PPP1R14C: variants seen among roughly 807,000 people sequenced by gnomAD.
PPP1R14C encodes the protein protein phosphatase 1 regulatory inhibitor subunit 14C, also known as protein phosphatase 1 regulatory subunit 14C.
In PPP1R14C, 16 loss-of-function variants were observed where a neutral mutation model predicts 20.4. That is an observed-to-expected ratio of 0.78 (90% CI 0.53 to 1.19). PPP1R14C has a LOEUF of 1.19. PPP1R14C is among the 50% of genes most tolerant of loss of function. PPP1R14C has a pLI of 0.00. For synonymous variants in PPP1R14C, 91 were observed against 91.0 expected (o/e 1.00, Z 0.00); for missense variants, 211 against 220.1 (o/e 0.96, Z 0.26).
chr6:150,146,130 T>C (rs916210743), intron 1 of PPP1R14C, among the ~76,000 whole-genome samples: 5 of 152,324 alleles, frequency 3.3e-5, no homozygotes, highest in Admixed American at 1.3e-4. Flanking sequence ...CTAGGTACTT[T>C]GGGCTAATTC....
At chr6:150,209,566 C>A (rs1283076411) in intron 1 of PPP1R14C, among the ~76,000 whole-genome samples, 1 of 130,914 alleles carries the variant, frequency 7.6e-6, no homozygotes, top group Admixed American at 7.7e-5. Context: ...GTGTATTCAT[C>A]TGTGTGTATG....
At chr6:150,186,331 G>T (rs1232703514) in intron 1 of PPP1R14C, among the ~76,000 whole-genome samples, 1 of 152,164 alleles carries the variant, frequency 6.6e-6, no homozygotes, top group Non-Finnish European at 1.5e-5. Flanking sequence ...GGTCTGAAGA[G>T]CAAATGCCCT....
At chr6:150,205,757 A>C (rs1157704535) in intron 1 of PPP1R14C, among the ~76,000 whole-genome samples, 1 of 150,620 alleles carries the variant, frequency 6.6e-6, no homozygotes, top group Non-Finnish European at 1.5e-5. Context: ...GCACCACTAC[A>C]CTCCATCCTG....
chr6:150,154,614 C>A (rs988025814), intron 1 of PPP1R14C, among the ~76,000 whole-genome samples: 21 of 152,168 alleles, frequency 1.4e-4, no homozygotes, highest in Admixed American at 4.6e-4. Context: ...ATAGAAGTGT[C>A]TTCCCCTTCA....
rs77687805 is a variant in PPP1R14C at position 150,241,576 on chromosome 6, G to A, written c.424-7170G>A. Among the ~76,000 whole-genome samples, 451 of 152,168 alleles carry A rather than the reference G, an allele frequency of 3.0e-3. 1 individual carries two copies. The highest frequency in any genetic ancestry group is 5.2e-3 in the South Asian group (25 of 4,820). On this transcript the variant is annotated intron_variant, in intron 3 of 3. Transcript: ENST00000361131. ...TTAACCCGTAGCATCTAACTCTAAC[G>A]CCAGCTCCAGGTAAATAGTGTCAGA...
intron 1 of PPP1R14C, among the ~76,000 whole-genome samples, chr6:150,190,434 CTT>C (rs147541303): frequency 6.4e-5 from 9 of 140,056 alleles, no homozygotes; most frequent in Admixed American, 7.3e-5. Context: ...TGTATTTTGC[CTT>C]TTTTTTTTTT....
intron 3 of PPP1R14C, among the ~76,000 whole-genome samples, chr6:150,231,133 A>G (rs1013654743): frequency 6.6e-6 from 1 of 152,210 alleles, no homozygotes; most frequent in African/African-American, 2.4e-5. Flanking sequence ...TGACAGAGCC[A>G]TGTGGTAGAA....
At chr6:150,232,050 C>T (rs955674775) in intron 3 of PPP1R14C, among the ~76,000 whole-genome samples, 1 of 152,240 alleles carries the variant, frequency 6.6e-6, no homozygotes, top group African/African-American at 2.4e-5. Context: ...TGCCCACCAA[C>T]AGGATATAAG....
intron 1 of PPP1R14C, among the ~76,000 whole-genome samples, chr6:150,177,421 G>C (rs1032907187): frequency 9.9e-5 from 15 of 152,264 alleles, no homozygotes; most frequent in African/African-American, 3.6e-4. Flanking sequence ...ATTCTTGCTG[G>C]TGTGACCAAA....
At chr6:150,234,172 C>T (rs771687020) in intron 3 of PPP1R14C, among the ~76,000 whole-genome samples, 3 of 152,106 alleles carry the variant, frequency 2.0e-5, no homozygotes, top group Non-Finnish European at 2.9e-5. Flanking sequence ...TGAAAAACTC[C>T]CCCCAAAATT....
Position 150,177,811 on chromosome 6 carries a change from C to T in PPP1R14C, c.306+34313C>T, listed in dbSNP as rs185184481. Among the ~76,000 whole-genome samples the T allele has an allele frequency of 7.2e-5, 11 of 152,214 alleles. No individual in the cohort carries two copies. In the East Asian group the frequency reaches 9.7e-4, roughly 13 times the overall value. On this transcript the variant is annotated intron_variant, in intron 1 of 3. Transcript: ENST00000361131. ...CTGGGCCGCTTTCTCTGAGCCAGTC[C>T]GGACTGCAGCAGAACCCCAGTGACT...
Position 150,235,421 on chromosome 6 carries a change from G to A in PPP1R14C, c.424-13325G>A, listed in dbSNP as rs140866799. ...AATGTGCTGCATCTTGATAGTCATG[G>A]TGGTTTCCTGGGTGTAACCAATTGT... On this transcript the variant is annotated intron_variant, in intron 3 of 3. Transcript: ENST00000361131. 3.9e-5 allele frequency among the ~76,000 whole-genome samples: 6 copies of A among 152,356 alleles called. 1 individual carries two copies. The East Asian group carries it at 1.2e-3, about 29-fold the overall frequency.
intron 3 of PPP1R14C, among the ~76,000 whole-genome samples, chr6:150,229,242 G>A (rs1778264550): frequency 6.6e-6 from 1 of 152,154 alleles, no homozygotes; most frequent in African/African-American, 2.4e-5. Context: ...GTTATTTGTA[G>A]CAAATAATAC....
At chr6:150,157,274 A>G (rs55854590) in intron 1 of PPP1R14C, among the ~76,000 whole-genome samples, 2,624 of 152,318 alleles carry the variant, frequency 0.017, 79 homozygotes, top group African/African-American at 0.06. Context: ...TGGTCTATAC[A>G]GGAGGGGTGG....
At chr6:150,245,094 C>G (rs560642537) in intron 3 of PPP1R14C, among the ~76,000 whole-genome samples, 2 of 152,160 alleles carry the variant, frequency 1.3e-5, no homozygotes, top group African/African-American at 4.8e-5. Context: ...GAACAGTGAC[C>G]TTAATTTTCT....
intron 2 of PPP1R14C, among the ~76,000 whole-genome samples, chr6:150,216,007 C>T (rs550630561): frequency 2.0e-5 from 3 of 152,202 alleles, no homozygotes; most frequent in East Asian, 3.9e-4. Context: ...GGGTTTGAAA[C>T]CATTTGGATC....
chr6:150,249,938 G>A lies in PPP1R14C; in HGVS notation c.*1118G>A. Reference sequence around the variant, plus strand: ...ATTGCATTTCTGGCTTCTCTCAATGGCTTGTGTTGAGGACTCTGGGTGCTC... The same window carrying A: ...ATTGCATTTCTGGCTTCTCTCAATGACTTGTGTTGAGGACTCTGGGTGCTC... On this transcript the variant is annotated 3_prime_UTR_variant, in exon 4 of 4. Coordinates refer to ENST00000361131, the MANE Select transcript of PPP1R14C (RefSeq NM_030949.3). 6.2e-6 allele frequency: 1 copy of A among 162,144 alleles called. No individual in the cohort carries two copies. 10.0% of individuals were successfully genotyped at this position (162,144 alleles called of 1,614,324 possible). A position where few individuals can be genotyped will look rare whatever the true frequency, so the allele number is the denominator to read the frequency against.
intron 3 of PPP1R14C, among the ~76,000 whole-genome samples, chr6:150,225,787 TA>T (rs1449069733): frequency 6.6e-6 from 1 of 152,236 alleles, no homozygotes; most frequent in African/African-American, 2.4e-5. Context: ...GGTTATGTAT[TA>T]AAGCACATGA....
chr6:150,169,491 G>GA (rs1047251249), intron 1 of PPP1R14C, among the ~76,000 whole-genome samples: 1 of 152,118 alleles, frequency 6.6e-6, no homozygotes, highest in East Asian at 1.9e-4. Context: ...GTATATGGCA[G>GA]AAAAAAAATC....
Sources: allele counts gnomAD v4.1 joint callset (sites outside exome capture counted in the v4.1 genomes callset), GRCh38; gene constraint gnomAD v4.1.1; transcripts MANE v1.5; gene names NCBI Gene and HGNC (gene_info 2026-07-23, HGNC 2026-07-21).